The following RGS7 variants were observed in gnomAD, a reference collection of about 807,000 sequenced individuals.
RGS7 encodes regulator of G protein signaling 7.
Under a neutral mutation model 81.1 loss-of-function variants are expected in RGS7, and 27 were observed. The ratio of observed to expected loss-of-function variants is 0.33; its 90% confidence interval spans 0.25 to 0.46. The LOEUF (loss-of-function observed/expected upper bound fraction) is 0.46. Ranked by LOEUF, RGS7 falls within the 20% of genes least tolerant of loss-of-function variation. The pLI, the probability that RGS7 is intolerant of heterozygous loss-of-function variation, is 1.00. For missense variants in RGS7, 396 were observed against 607.4 expected (o/e 0.65, Z 3.66); for synonymous variants, 208 against 207.7 (o/e 1.00, Z -0.01).
chr1:241,107,198 G>C (rs529008784), intron 2 of RGS7, among the ~76,000 whole-genome samples: 1 of 152,302 alleles, frequency 6.6e-6, no homozygotes, highest in South Asian at 2.1e-4. Context: ...TCTCGGCCTA[G>C]AGTCCTCTCT....
At chr1:240,944,332 A>ATG (rs1678230601) in intron 4 of RGS7, among the ~76,000 whole-genome samples, 2 of 115,882 alleles carry the variant, frequency 1.7e-5, no homozygotes, top group East Asian at 2.7e-4. Context: ...ATATATATAT[A>ATG]TGTTAGGTGC....
chr1:241,005,744 C>T (rs1259587308), intron 3 of RGS7, among the ~76,000 whole-genome samples: 5 of 152,104 alleles, frequency 3.3e-5, no homozygotes, highest in African/African-American at 9.7e-5. Flanking sequence ...CTTACGTTGG[C>T]CAGGCTGGTC....
At chr1:240,914,611 C>A (rs906456473) in intron 6 of RGS7, among the ~76,000 whole-genome samples, 1 of 152,106 alleles carries the variant, frequency 6.6e-6, no homozygotes, top group Non-Finnish European at 1.5e-5. Context: ...TAAAAAAGAA[C>A]GAAAAGCAGA....
intron 6 of RGS7, among the ~76,000 whole-genome samples, chr1:240,881,053 C>G (rs1412521358): frequency 6.6e-6 from 1 of 151,904 alleles, no homozygotes; most frequent in Non-Finnish European, 1.5e-5. Context: ...ATATTTAGAA[C>G]CACAGTGATT....
chr1:241,136,361 G>C (rs1359230200), intron 2 of RGS7, among the ~76,000 whole-genome samples: 1 of 152,094 alleles, frequency 6.6e-6, no homozygotes, highest in Non-Finnish European at 1.5e-5. Flanking sequence ...TTTGAACATT[G>C]GTCTTCACCC....
intron 3 of RGS7, among the ~76,000 whole-genome samples, chr1:241,006,040 G>A (rs181717642): frequency 1.7e-4 from 26 of 151,822 alleles, no homozygotes; most frequent in Non-Finnish European, 2.2e-4. Flanking sequence ...ATATATTTTC[G>A]TTTATTTTGG....
At chr1:241,246,503 T>C (rs2076554783) in intron 2 of RGS7, among the ~76,000 whole-genome samples, 1 of 152,116 alleles carries the variant, frequency 6.6e-6, no homozygotes, top group Admixed American at 6.5e-5. Context: ...CCAGTACTAA[T>C]ACGAAGTTTA....
At chr1:240,881,184 T>C (rs1219488241) in intron 6 of RGS7, among the ~76,000 whole-genome samples, 1 of 152,076 alleles carries the variant, frequency 6.6e-6, no homozygotes, top group African/African-American at 2.4e-5. Flanking sequence ...AAAGGATGAG[T>C]TCATGTCCTT....
intron 14 of RGS7, 21 bp downstream of exon 14, chr1:240,811,897 G>A: frequency 6.3e-7 from 1 of 1,597,052 alleles, no homozygotes; most frequent in Non-Finnish European, 8.6e-7. Context: ...TGGCTTATAA[G>A]ATCCAAGCAA....
chr1:241,047,362 CTCTT>C (rs898686715), intron 3 of RGS7, among the ~76,000 whole-genome samples: 5 of 152,106 alleles, frequency 3.3e-5, no homozygotes, highest in African/African-American at 4.8e-5. Context: ...CTTTCTTTTC[CTCTT>C]TCTTTGTCTT....
intron 2 of RGS7, among the ~76,000 whole-genome samples, chr1:241,124,583 C>T (rs773166109): frequency 2.2e-4 from 33 of 152,158 alleles, no homozygotes; most frequent in Non-Finnish European, 3.5e-4. Flanking sequence ...TAGTACAAGG[C>T]GGTTCTATTA....
At chr1:241,296,992 T>C (rs1380034597) in intron 2 of RGS7, among the ~76,000 whole-genome samples, 1 of 152,120 alleles carries the variant, frequency 6.6e-6, no homozygotes, top group Non-Finnish European at 1.5e-5. Flanking sequence ...TCTTCCTTAA[T>C]ACTAAAGAGG....
Position 240,870,122 on chromosome 1 carries a change from G to GA in RGS7, c.386-4dup, listed in dbSNP as rs758453111. 3.6e-4 allele frequency: 569 copies of GA among 1,598,556 alleles called. No homozygotes were observed. Among genetic ancestry groups the GA allele is most frequent in the Middle Eastern group, 5.0e-4 (3 of 6,014 alleles). ...TGTTCTCTTGCAGAGGTAAACGGCT[G>GA]AAAAAAAAATCAATCATTTCTTGCC... On this transcript the variant is annotated splice_region_variant and splice_polypyrimidine_tract_variant and intron_variant, in intron 6 of 18. Transcript: ENST00000440928.
At chr1:241,272,024 C>T in intron 2 of RGS7, among the ~76,000 whole-genome samples, 1 of 149,150 alleles carries the variant, frequency 6.7e-6, no homozygotes, top group African/African-American at 2.5e-5. Context: ...GATGGAGTCT[C>T]ACTCTGTCGC....
At chr1:240,809,953 A>T (rs1689561587) in intron 14 of RGS7, among the ~76,000 whole-genome samples, 1 of 152,214 alleles carries the variant, frequency 6.6e-6, no homozygotes, top group Non-Finnish European at 1.5e-5. Flanking sequence ...TACGGCATAG[A>T]ATGATTAAGA....
At chr1:241,098,123 T>G (rs949314169) in intron 3 of RGS7, among the ~76,000 whole-genome samples, 2 of 152,182 alleles carry the variant, frequency 1.3e-5, no homozygotes, top group African/African-American at 4.8e-5. Flanking sequence ...TGTCTCCATA[T>G]TTCCCCTTTT....
intron 2 of RGS7, among the ~76,000 whole-genome samples, chr1:241,310,499 G>A (rs964243218): frequency 6.6e-6 from 1 of 151,536 alleles, no homozygotes; most frequent in Non-Finnish European, 1.5e-5. Context: ...GAGTGAGCGT[G>A]TGTGGTGAGA....
intron 3 of RGS7, among the ~76,000 whole-genome samples, chr1:240,993,242 AAGAG>A (rs768280825): frequency 6.6e-6 from 1 of 150,790 alleles, no homozygotes; most frequent in Admixed American, 6.6e-5. Flanking sequence ...AGGAGAAAGA[AAGAG>A]AGGAAAGAAA....
At chr1:241,274,171 C>G (rs1175176290) in intron 2 of RGS7, among the ~76,000 whole-genome samples, 1 of 152,166 alleles carries the variant, frequency 6.6e-6, no homozygotes, top group Non-Finnish European at 1.5e-5. Context: ...AAGTGATAGT[C>G]TCTTGTACTT....
Sources: allele counts gnomAD v4.1 joint callset (sites outside exome capture counted in the v4.1 genomes callset), GRCh38; gene constraint gnomAD v4.1.1; transcripts MANE v1.5; gene names NCBI Gene and HGNC (gene_info 2026-07-23, HGNC 2026-07-21).